CPQ: variants seen among roughly 807,000 people sequenced by gnomAD.
CPQ encodes the protein carboxypeptidase Q.
CPQ carries 37 observed loss-of-function variants against 45.7 expected under a neutral mutation model. The observed-to-expected ratio is 0.81, with a 90% CI of 0.62 to 1.07. The LOEUF (loss-of-function observed/expected upper bound fraction) is 1.07. Among genes scored for constraint, CPQ ranks in the 50% least tolerant of loss-of-function variants. CPQ has a pLI of 0.00. For missense variants in CPQ, 537 were observed against 572.9 expected, an observed-to-expected ratio of 0.94 and a Z score of 0.64; for synonymous variants, 186 against 205.8, an observed-to-expected ratio of 0.90 and a Z score of 0.82.
chr8:96,746,862 A>G (rs1288620238), intron 1 of CPQ, among the ~76,000 whole-genome samples: 4 of 152,204 alleles, frequency 2.6e-5, no homozygotes, highest in Admixed American at 2.6e-4. Context: ...ATTGCCAAAT[A>G]GTGGTAGAGT....
chr8:97,116,949 G>T (rs1299463921), intron 7 of CPQ, among the ~76,000 whole-genome samples: 1 of 152,220 alleles, frequency 6.6e-6, no homozygotes, highest in Admixed American at 6.5e-5. Context: ...ATGATAACCA[G>T]TAGTTTGTGG....
intron 5 of CPQ, among the ~76,000 whole-genome samples, chr8:96,969,393 T>C (rs892539282): frequency 8.6e-5 from 13 of 151,904 alleles, no homozygotes; most frequent in African/African-American, 3.1e-4. Context: ...GCCCTTTAAG[T>C]CCTTGAAGTA....
At chr8:96,988,359 C>G (rs1405637432) in intron 5 of CPQ, among the ~76,000 whole-genome samples, 1 of 152,208 alleles carries the variant, frequency 6.6e-6, no homozygotes, top group African/African-American at 2.4e-5. Flanking sequence ...GACTGATCAA[C>G]ATCTTCCCCT....
intron 6 of CPQ, among the ~76,000 whole-genome samples, chr8:97,054,718 A>G (rs1810422826): frequency 6.6e-6 from 1 of 152,186 alleles, no homozygotes. Context: ...GAGCTAAGCC[A>G]TGGGTATGCA....
At chr8:96,767,188 G>A (rs928038120) in intron 1 of CPQ, among the ~76,000 whole-genome samples, 1 of 152,122 alleles carries the variant, frequency 6.6e-6, no homozygotes, top group African/African-American at 2.4e-5. Context: ...GAAATCAAAC[G>A]CACTACGTTT....
At chr8:96,977,958 C>CA (rs1209887290) in intron 5 of CPQ, among the ~76,000 whole-genome samples, 17 of 152,158 alleles carry the variant, frequency 1.1e-4, no homozygotes, top group African/African-American at 3.9e-4. Context: ...ACCTGTTCCC[C>CA]AAAAACCTAT....
intron 5 of CPQ, among the ~76,000 whole-genome samples, chr8:96,982,919 C>G (rs554813826): frequency 6.6e-6 from 1 of 152,198 alleles, no homozygotes; most frequent in South Asian, 2.1e-4. Flanking sequence ...CTTTTTTAAA[C>G]TAAGAAATAT....
chr8:97,139,281 A>G (rs1455096345), intron 7 of CPQ, among the ~76,000 whole-genome samples: 1 of 152,324 alleles, frequency 6.6e-6, no homozygotes, highest in Middle Eastern at 3.4e-3. Context: ...CGGAATATTC[A>G]AAATCACAAA....
chr8:97,141,644 T>C (rs1812166601), intron 7 of CPQ, among the ~76,000 whole-genome samples: 1 of 152,170 alleles, frequency 6.6e-6, no homozygotes, highest in Admixed American at 6.6e-5. Context: ...ACATACTCTA[T>C]AGCCCAGCAA....
At chr8:96,763,097 C>T (rs1006516162) in intron 1 of CPQ, among the ~76,000 whole-genome samples, 1 of 152,136 alleles carries the variant, frequency 6.6e-6, no homozygotes, top group Non-Finnish European at 1.5e-5. Flanking sequence ...CTGCCTGTCC[C>T]TGTCCAACTT....
intron 6 of CPQ, 90 bp from the exon 7 acceptor site, chr8:97,065,919 T>C (rs1050864107): frequency 7.0e-6 from 9 of 1,282,936 alleles, no homozygotes; most frequent in Non-Finnish European, 1.0e-5. Context: ...CGTAAGGAGG[T>C]AAAGTATTTG....
chr8:96,891,398 G>A (rs905662375), intron 4 of CPQ, among the ~76,000 whole-genome samples: 15 of 152,148 alleles, frequency 9.9e-5, no homozygotes, highest in Non-Finnish European at 1.8e-4. Context: ...TGTTGGTCCC[G>A]GCTGCTGGCA....
At chr8:97,027,992 A>G (rs1406300372) in intron 5 of CPQ, among the ~76,000 whole-genome samples, 2 of 152,198 alleles carry the variant, frequency 1.3e-5, no homozygotes, top group African/African-American at 2.4e-5. Context: ...AATCCAGACA[A>G]CTGCGGGGCT....
chr8:97,042,568 T>C (rs1374926408), intron 6 of CPQ, among the ~76,000 whole-genome samples: 1 of 151,718 alleles, frequency 6.6e-6, no homozygotes, highest in African/African-American at 2.4e-5. Context: ...GTTCTTTTAA[T>C]TGTGATGTTA....
At chr8:97,095,146 CT>C (rs2130571439) in intron 7 of CPQ, among the ~76,000 whole-genome samples, 1 of 152,148 alleles carries the variant, frequency 6.6e-6, no homozygotes, top group East Asian at 1.9e-4. Flanking sequence ...GTCACTGTTC[CT>C]GGAAGATAAC....
intron 6 of CPQ, among the ~76,000 whole-genome samples, chr8:97,042,207 G>C (rs891586280): frequency 1.3e-5 from 2 of 152,160 alleles, no homozygotes; most frequent in Admixed American, 6.5e-5. Flanking sequence ...TCCTGGTTTA[G>C]TCTTGGGAGG....
At chr8:97,111,778 T>G (rs1329609913) in intron 7 of CPQ, among the ~76,000 whole-genome samples, 1 of 152,190 alleles carries the variant, frequency 6.6e-6, no homozygotes, top group Non-Finnish European at 1.5e-5. Flanking sequence ...ACATTCAGCT[T>G]AAATTTGGTA....
intron 5 of CPQ, among the ~76,000 whole-genome samples, chr8:97,006,207 T>C (rs889366511): frequency 2.0e-5 from 3 of 152,084 alleles, no homozygotes; most frequent in South Asian, 2.1e-4. Context: ...GTGAAAACAG[T>C]TTTGAAACTG....
rs1810747513 is a variant in CPQ, at chr8:96,785,134, T to C, written c.237T>C (p.Ser79=). Residue 79 remains serine (S), a synonymous_variant, in exon 2 of 8, where the codon AGT becomes AGC. Coordinates refer to ENST00000220763, the MANE Select transcript of CPQ (RefSeq NM_016134.4). Reference sequence around the variant, plus strand: ...TTGATACTGTTGGACCCAGACTGAGTGGCTCCAAGAACCTAGAAAAAGCCA... The same window carrying C: ...TTGATACTGTTGGACCCAGACTGAGCGGCTCCAAGAACCTAGAAAAAGCCA... ...LLVDTVGPRL[S]GSKNLEKAIQ... 1.2e-6 allele frequency: 2 copies of C among 1,613,504 alleles called. No homozygotes were observed. The highest frequency in any genetic ancestry group is 1.3e-5 in the African/African-American group (1 of 74,848).
Sources: gnomAD v4.1 joint callset for allele counts (sites outside exome capture counted in the v4.1 genomes callset) on GRCh38, gnomAD v4.1.1 for gene constraint, MANE v1.5 for transcripts, NCBI Gene and HGNC (gene_info 2026-07-23, HGNC 2026-07-21) for gene names.